PRMT8: variants seen among roughly 807,000 people sequenced by gnomAD.
PRMT8 encodes protein arginine methyltransferase 8.
Under a neutral mutation model 47.1 loss-of-function variants are expected in PRMT8, and 7 were observed. The ratio of observed to expected loss-of-function variants is 0.15; its 90% CI spans 0.08 to 0.28. The LOEUF (loss-of-function observed/expected upper bound fraction) is 0.28, where lower values mean the gene tolerates loss of function less well. Ranked by LOEUF, PRMT8 falls within the 10% of genes least tolerant of loss-of-function variation. The pLI is 1.00. For missense variants in PRMT8, 237 were observed against 505.4 expected (o/e 0.47, Z 5.09); for synonymous variants, 188 against 186.5 (o/e 1.01, Z -0.07).
At chr12:3,452,790 G>A (rs1039598626) in intron 1 of PRMT8, among the ~76,000 whole-genome samples, 2 of 152,206 alleles carry the variant, frequency 1.3e-5, no homozygotes, top group Non-Finnish European at 2.9e-5. Context: ...TCAAGGCAGA[G>A]GAGAGGTAAA....
chr12:3,542,956 A>T (rs193103882), intron 2 of PRMT8, among the ~76,000 whole-genome samples: 30 of 152,350 alleles, frequency 2.0e-4, no homozygotes, highest in Non-Finnish European at 3.5e-4. Context: ...CCCAGGGGAG[A>T]GGACATCAAG....
At chr12:3,556,377 C>T (rs374333134) in intron 4 of PRMT8, among the ~76,000 whole-genome samples, 3 of 151,862 alleles carry the variant, frequency 2.0e-5, no homozygotes, top group Non-Finnish European at 4.4e-5. Flanking sequence ...AAGATGCAGT[C>T]GGTTGAAGGG....
At chr12:3,417,502 G>A (rs927339766) in intron 1 of PRMT8, among the ~76,000 whole-genome samples, 12 of 152,226 alleles carry the variant, frequency 7.9e-5, no homozygotes, top group South Asian at 6.2e-4. Flanking sequence ...CTTTTAAAAG[G>A]CATCCAAAGC....
chr12:3,582,383 T>C (rs1403567051), intron 7 of PRMT8, among the ~76,000 whole-genome samples: 1 of 152,238 alleles, frequency 6.6e-6, no homozygotes, highest in East Asian at 1.9e-4. Flanking sequence ...TTTCCCCTTT[T>C]ATTTATTTTT....
upstream of PRMT8, among the ~76,000 whole-genome samples, chr12:3,488,944 G>C (rs1161503176): frequency 1.3e-5 from 2 of 152,128 alleles, no homozygotes; most frequent in Non-Finnish European, 2.9e-5. Context: ...TACATAGCAG[G>C]AACAGCACCT....
chr12:3,470,695 G>T (rs1865152589), intron 1 of PRMT8, among the ~76,000 whole-genome samples: 1 of 151,960 alleles, frequency 6.6e-6, no homozygotes, highest in Admixed American at 6.6e-5. Context: ...GTCCAGGGCG[G>T]GGGGATGGGA....
chr12:3,587,955 G>A (rs1352793908), intron 8 of PRMT8, among the ~76,000 whole-genome samples: 1 of 150,970 alleles, frequency 6.6e-6, no homozygotes, highest in East Asian at 1.9e-4. Context: ...CAGTGGGCAC[G>A]GTGCCCCCCC....
intron 7 of PRMT8, among the ~76,000 whole-genome samples, chr12:3,582,153 C>A (rs1434137281): frequency 2.0e-5 from 3 of 152,160 alleles, no homozygotes; most frequent in Non-Finnish European, 4.4e-5. Context: ...TGTCAGGATG[C>A]CTCTTGGGCC....
intron 1 of PRMT8, among the ~76,000 whole-genome samples, chr12:3,496,214 A>ATATATATATATATATTTTTTTTTT: frequency 7.2e-5 from 2 of 27,772 alleles, no homozygotes; most frequent in African/African-American, 8.8e-5. Flanking sequence ...ATATATATAT[A>ATATATATATATATATTTTTTTTTT]TTTTTTTTTT....
At chr12:3,483,502 A>G (rs942597325) in intron 1 of PRMT8, among the ~76,000 whole-genome samples, 2 of 151,784 alleles carry the variant, frequency 1.3e-5, no homozygotes, top group Non-Finnish European at 2.9e-5. Context: ...CACTTTATTG[A>G]GACTTGAGGT....
intron 1 of PRMT8, among the ~76,000 whole-genome samples, chr12:3,403,404 CCACCAGGGCA>C (rs1864338101): frequency 6.6e-6 from 1 of 151,662 alleles, no homozygotes; most frequent in African/African-American, 2.4e-5. Context: ...GTGCAGCAAA[CCACCAGGGCA>C]CACGTTTAAC....
chr12:3,504,893 A>G (rs1277465410), intron 1 of PRMT8, among the ~76,000 whole-genome samples: 15 of 37,390 alleles, frequency 4.0e-4, no homozygotes, highest in Non-Finnish European at 5.0e-4. Context: ...GGTGTGGGAT[A>G]TAGTCTCGTG....
chr12:3,531,705 G>C (rs1866033963), intron 1 of PRMT8, among the ~76,000 whole-genome samples: 1 of 152,192 alleles, frequency 6.6e-6, no homozygotes, highest in Admixed American at 6.5e-5. Flanking sequence ...CAGTGACCCT[G>C]GTCAGGACAG....
chr12:3,582,519 A>T (rs1867086178), intron 7 of PRMT8, among the ~76,000 whole-genome samples: 1 of 152,134 alleles, frequency 6.6e-6, no homozygotes, highest in African/African-American at 2.4e-5. Context: ...GAACTTGCGT[A>T]TCAAAAAATT....
rs556712216 is a variant in PRMT8, at chr12:3,427,795, A to G, written c.48+46353A>G. Among the ~76,000 whole-genome samples, 561 of 152,250 alleles carry G rather than the reference A, an allele frequency of 3.7e-3. 4 individuals are homozygous for G. Among genetic ancestry groups the G allele is most frequent in the African/African-American group, 0.012 (505 of 41,558 alleles). On this transcript the variant is annotated intron_variant, in intron 1 of 9. Coordinates refer to the PRMT8 transcript ENST00000452611. ...ATTTATTTCAGGACAAGAATTTACC[A>G]TATAACTTTTTTTTACATAAATTCT...
At chr12:3,407,231 C>T (rs972979907) in intron 1 of PRMT8, among the ~76,000 whole-genome samples, 13 of 152,160 alleles carry the variant, frequency 8.5e-5, no homozygotes, top group African/African-American at 3.1e-4. Context: ...ATTTGATTAC[C>T]TCCCACTGGG....
intron 1 of PRMT8, among the ~76,000 whole-genome samples, chr12:3,418,186 C>T (rs772924999): frequency 1.3e-5 from 2 of 152,182 alleles, no homozygotes; most frequent in Non-Finnish European, 2.9e-5. Flanking sequence ...CAGAAGAGTT[C>T]GAGGCTGAGG....
At chr12:3,568,389 A>C (rs1267999759) in intron 4 of PRMT8, among the ~76,000 whole-genome samples, 3 of 105,796 alleles carry the variant, frequency 2.8e-5, no homozygotes, top group African/African-American at 1.5e-4. Context: ...GTGCAGTTCA[A>C]AGCCAGGTTG....
At chr12:3,561,295 G>C (rs1290746037) in intron 4 of PRMT8, among the ~76,000 whole-genome samples, 3 of 152,212 alleles carry the variant, frequency 2.0e-5, no homozygotes, top group African/African-American at 7.2e-5. Flanking sequence ...CCTGCCAGCG[G>C]TTGTGGAAAA....
Sources: allele counts gnomAD v4.1 joint callset (sites outside exome capture counted in the v4.1 genomes callset), GRCh38; gene constraint gnomAD v4.1.1; transcripts MANE v1.5; gene names NCBI Gene and HGNC (gene_info 2026-07-23, HGNC 2026-07-21).